Variants in SORBS2 observed in about 807,000 individuals in gnomAD.
SORBS2 encodes the protein sorbin and SH3 domain containing 2.
In SORBS2, 46 loss-of-function variants were observed where a neutral mutation model predicts 97.7. That is an observed-to-expected ratio of 0.47 (90% CI 0.37 to 0.60). The LOEUF is 0.60. SORBS2 is among the 20% of genes least tolerant of loss of function. The pLI, the probability that SORBS2 is intolerant of heterozygous loss-of-function variation, is 0.00. For synonymous variants in SORBS2, 476 were observed against 473.4 expected (o/e 1.01, Z -0.07); for missense variants, 1,316 against 1,282.3 (o/e 1.03, Z -0.40).
At chr4:185,851,050 A>T (rs2099217599) in intron 1 of SORBS2, among the ~76,000 whole-genome samples, 1 of 152,190 alleles carries the variant, frequency 6.6e-6, no homozygotes, top group Admixed American at 6.5e-5. Flanking sequence ...GCTTGCAGAC[A>T]GCAGATCGTG....
chr4:185,672,075 T>C (rs1434766792), intron 4 of SORBS2, among the ~76,000 whole-genome samples: 1 of 152,222 alleles, frequency 6.6e-6, no homozygotes, highest in African/African-American at 2.4e-5. Flanking sequence ...GCCATACTAA[T>C]GGAAGACATC....
At chr4:185,609,638 C>T (rs2096499503) in intron 12 of SORBS2, among the ~76,000 whole-genome samples, 1 of 152,160 alleles carries the variant, frequency 6.6e-6, no homozygotes, top group Admixed American at 6.5e-5. Flanking sequence ...TTCTAATGCA[C>T]TAAAAGCAGA....
upstream of SORBS2, chr4:185,657,677 C>T: frequency 1.6e-6 from 2 of 1,241,162 alleles, no homozygotes; most frequent in South Asian, 1.4e-5. Context: ...TATATTTATG[C>T]CAACTGTAAC....
intron 1 of SORBS2, among the ~76,000 whole-genome samples, chr4:185,875,009 G>A (rs1371758399): frequency 6.6e-6 from 1 of 152,048 alleles, no homozygotes; most frequent in African/African-American, 2.4e-5. Flanking sequence ...AAGTATAGGG[G>A]TGACTCAGAG....
At chr4:185,633,260 T>C (rs1341136234) in intron 4 of SORBS2, among the ~76,000 whole-genome samples, 1 of 152,194 alleles carries the variant, frequency 6.6e-6, no homozygotes, top group African/African-American at 2.4e-5. Context: ...ATCAATTACA[T>C]TTGTTTTTAC....
rs572577401 is a variant in SORBS2 at position 185,898,129 on chromosome 4, C to T, written c.-338+58067G>A. Among the ~76,000 whole-genome samples the T allele has an allele frequency of 1.1e-4, 17 of 152,322 alleles. No individual in the cohort carries two copies. The South Asian group carries it at 1.9e-3, about 17-fold the overall frequency. ...TGACTATAATCCAACCACTTTTTGA[C>T]GTCTAAATAAACTTGTGCCTTTAAT... On this transcript the variant is annotated intron_variant, in intron 1 of 20. Transcript: ENST00000284776.
At chr4:185,815,690 T>C (rs559549089) in intron 1 of SORBS2, among the ~76,000 whole-genome samples, 3 of 152,172 alleles carry the variant, frequency 2.0e-5, no homozygotes, top group African/African-American at 7.2e-5. Context: ...TATCTATCTA[T>C]CTAGCTTCTA....
chr4:185,881,433 T>C (rs1400743152), intron 1 of SORBS2, among the ~76,000 whole-genome samples: 3 of 152,136 alleles, frequency 2.0e-5, no homozygotes, highest in African/African-American at 7.2e-5. Context: ...ACAGAATAAT[T>C]GACACCAAAA....
intron 2 of SORBS2, among the ~76,000 whole-genome samples, chr4:185,749,148 G>C (rs1396298021): frequency 1.3e-5 from 2 of 152,234 alleles, no homozygotes; most frequent in Non-Finnish European, 2.9e-5. Flanking sequence ...CACTGGAGTG[G>C]TGTTCAGGGA....
chr4:185,682,579 G>A (rs748905314), intron 2 of SORBS2, among the ~76,000 whole-genome samples: 8 of 152,102 alleles, frequency 5.3e-5, no homozygotes, highest in East Asian at 1.9e-4. Context: ...TAACAATATC[G>A]AAGGCAATAA....
chr4:185,836,219 A>T (rs2099207985), intron 1 of SORBS2, among the ~76,000 whole-genome samples: 1 of 152,178 alleles, frequency 6.6e-6, no homozygotes, highest in East Asian at 1.9e-4. Flanking sequence ...TTACAGAAGC[A>T]GTTGGGAAGT....
chr4:185,716,253 C>G (rs575549894), intron 2 of SORBS2, among the ~76,000 whole-genome samples: 1 of 151,682 alleles, frequency 6.6e-6, no homozygotes, highest in Non-Finnish European at 1.5e-5. Flanking sequence ...GCCAAGCCAG[C>G]TTTGTGAAAA....
chr4:185,863,284 C>T lies in SORBS2; in HGVS notation c.-337-87918G>A, dbSNP rs1413844116. Among the ~76,000 whole-genome samples, 3 of 140,826 alleles carry T rather than the reference C, an allele frequency of 2.1e-5. No individual in the cohort carries two copies. The Admixed American group carries it at 2.1e-4, about 10-fold the overall frequency. The allele number at this position is 140,826 out of a possible 152,430, so 92.4% of individuals were successfully genotyped here. A position where few individuals can be genotyped will look rare whatever the true frequency, so the allele number is the denominator to read the frequency against. On this transcript the variant is annotated intron_variant, in intron 1 of 20. Coordinates refer to the SORBS2 transcript ENST00000284776. ...AGTGCCTGTGTGTGCCAGGCAATGTCGGGTACTGAGGTTGAAAAAGAGATA... is the reference window on the plus strand; with the variant it reads ...AGTGCCTGTGTGTGCCAGGCAATGTTGGGTACTGAGGTTGAAAAAGAGATA...
chr4:185,792,828 G>A (rs542304635), intron 1 of SORBS2, among the ~76,000 whole-genome samples: 1 of 152,160 alleles, frequency 6.6e-6, no homozygotes, highest in African/African-American at 2.4e-5. Flanking sequence ...TCCCACAAAT[G>A]GGCAGTCTAG....
intron 12 of SORBS2, among the ~76,000 whole-genome samples, chr4:185,598,873 A>G (rs1320460885): frequency 6.6e-6 from 1 of 151,188 alleles, no homozygotes; most frequent in Non-Finnish European, 1.5e-5. Context: ...TGTAAAAATC[A>G]GGCAAAAAAT....
At chr4:185,662,215 C>G (rs748858605) in exon 5 of SORBS2, 4 of 1,612,322 alleles carry the variant, frequency 2.5e-6, no homozygotes, top group Non-Finnish European at 3.4e-6. Context: ...ACGGCACCTC[C>G]TGAGTTTCCA....
intron 1 of SORBS2, among the ~76,000 whole-genome samples, chr4:185,801,861 T>A (rs1317967092): frequency 1.3e-5 from 2 of 152,174 alleles, no homozygotes; most frequent in Non-Finnish European, 2.9e-5. Context: ...AGCCTCAGTT[T>A]CTTCTTTTCT....
intron 1 of SORBS2, among the ~76,000 whole-genome samples, chr4:185,816,287 G>T (rs1359502393): frequency 2.0e-5 from 3 of 152,114 alleles, no homozygotes; most frequent in Admixed American, 1.3e-4. Context: ...CCACAGCTGG[G>T]ACCCACCAAA....
intron 2 of SORBS2, among the ~76,000 whole-genome samples, chr4:185,721,956 G>A (rs1355446376): frequency 6.6e-6 from 1 of 152,104 alleles, no homozygotes; most frequent in Non-Finnish European, 1.5e-5. Context: ...TCAATATGTA[G>A]CAAAATGTAG....
Sources: allele counts gnomAD v4.1 joint callset (sites outside exome capture counted in the v4.1 genomes callset), GRCh38; gene constraint gnomAD v4.1.1; transcripts MANE v1.5; gene names NCBI Gene and HGNC (gene_info 2026-07-23, HGNC 2026-07-21).